Variants in SPRR2B observed in about 807,000 individuals in gnomAD.
SPRR2B encodes the protein small proline-rich protein 2B.
SPRR2B carries 1 observed loss-of-function variant against 1.0 expected under a neutral mutation model. The observed-to-expected ratio is 1.01, with a 90% CI of 0.36 to 4.77. The LOEUF (loss-of-function observed/expected upper bound fraction) is 4.77, where lower values mean the gene tolerates loss of function less well. Among genes scored for constraint, SPRR2B ranks in the 30% most tolerant of loss-of-function variants. The pLI, the probability that SPRR2B is intolerant of heterozygous loss-of-function variation, is 0.16. For synonymous variants in SPRR2B, 27 were observed against 33.4 expected, an observed-to-expected ratio of 0.81 and a Z score of 0.66; for missense variants, 53 against 88.7, an observed-to-expected ratio of 0.60 and a Z score of 1.62.
the SPRR2B span, among the ~76,000 whole-genome samples, chr1:153,083,399 C>T: frequency 6.6e-6 from 1 of 152,098 alleles, no homozygotes; most frequent in Non-Finnish European, 1.5e-5. Flanking sequence ...GAACAATATT[C>T]CTCATGAATA....
the SPRR2B span, among the ~76,000 whole-genome samples, chr1:153,080,467 G>A: frequency 6.6e-6 from 1 of 152,074 alleles, no homozygotes; most frequent in Non-Finnish European, 1.5e-5. Flanking sequence ...CTAAAATCAT[G>A]CAATGAACTT....
At chr1:153,087,075 G>GA in the SPRR2B span, among the ~76,000 whole-genome samples, 1 of 151,942 alleles carries the variant, frequency 6.6e-6, no homozygotes, top group Non-Finnish European at 1.5e-5. Flanking sequence ...TGTTAAGAGG[G>GA]AAATTTATAG....
chr1:153,075,468 T>C (rs76016275), upstream of SPRR2B, among the ~76,000 whole-genome samples: 4,862 of 152,038 alleles, frequency 0.032, 242 homozygotes, highest in African/African-American at 0.11. Flanking sequence ...GCCAGACAGA[T>C]AGAAATCATA....
chr1:153,080,868 C>G, the SPRR2B span, among the ~76,000 whole-genome samples: 431 of 152,250 alleles, frequency 2.8e-3, 5 homozygotes, highest in African/African-American at 9.6e-3. Context: ...GTCATAACAT[C>G]CACTATCTGT....
At chr1:153,081,826 T>TTTTC in the SPRR2B span, among the ~76,000 whole-genome samples, 1,551 of 50,250 alleles carry the variant, frequency 0.031, 19 homozygotes, top group African/African-American at 0.1. Context: ...TTTTCTTTTC[T>TTTTC]TTTTTTTTTT....
the SPRR2B span, among the ~76,000 whole-genome samples, chr1:153,085,668 A>G: frequency 6.6e-6 from 1 of 152,228 alleles, no homozygotes; most frequent in Non-Finnish European, 1.5e-5. Context: ...ATTCAAATTC[A>G]GAAAATGCAG....
upstream of SPRR2B, among the ~76,000 whole-genome samples, chr1:153,076,594 A>G (rs572686310): frequency 6.6e-6 from 1 of 152,350 alleles, no homozygotes; most frequent in African/African-American, 2.4e-5. Flanking sequence ...TAAGTTTGAG[A>G]AAGGTTAAAT....
At chr1:153,078,365 T>C in the SPRR2B span, among the ~76,000 whole-genome samples, 4 of 128,726 alleles carry the variant, frequency 3.1e-5, no homozygotes, top group Non-Finnish European at 5.6e-5. Flanking sequence ...GAGCTTACTT[T>C]CTGTTTTTTT....
chr1:153,075,683 A>G (rs552319825), upstream of SPRR2B, among the ~76,000 whole-genome samples: 1 of 142,892 alleles, frequency 7.0e-6, no homozygotes, highest in African/African-American at 3.1e-5. Context: ...TCAAAGAGAT[A>G]GGGGCAAAAT....
At chr1:153,075,986 AATAAAT>A (rs1463545904), upstream of SPRR2B, among the ~76,000 whole-genome samples, 2 of 152,240 alleles carry the variant, frequency 1.3e-5, no homozygotes, top group Non-Finnish European at 2.9e-5. Flanking sequence ...GTCTGAAAAC[AATAAAT>A]AGCAATATGT....
chr1:153,070,527 T>C lies in SPRR2B; in HGVS notation c.*94A>G, dbSNP rs1225898580. 1.3e-6 allele frequency: 2 copies of C among 1,545,614 alleles called. No individual in the cohort carries two copies. Among genetic ancestry groups the C allele is most frequent in the Admixed American group, 1.9e-5 (1 of 52,764 alleles). ...GGGAAAGAAGCTCCCTATGAATCCA[T>C]GATAAGCTTTGATGAGAAGATGAAG... On this transcript the variant is annotated 3_prime_UTR_variant, in exon 2 of 2. Coordinates refer to ENST00000368755, the MANE Select transcript of SPRR2B (RefSeq NM_001388198.1).
upstream of SPRR2B, among the ~76,000 whole-genome samples, chr1:153,072,127 G>A (rs1428150299): frequency 6.6e-6 from 1 of 152,192 alleles, no homozygotes; most frequent in East Asian, 1.9e-4. Flanking sequence ...TTTGAAGGCA[G>A]TGACCACATT....
intron 1 of SPRR2B, 90 bp from the exon 2 acceptor site, chr1:153,070,948 T>G (rs1269505070): frequency 9.1e-7 from 1 of 1,102,214 alleles, no homozygotes; most frequent in Non-Finnish European, 1.3e-6. Flanking sequence ...ATATTATTTC[T>G]CCAATCTCCA....
At chr1:153,084,372 G>C in the SPRR2B span, among the ~76,000 whole-genome samples, 1 of 152,086 alleles carries the variant, frequency 6.6e-6, no homozygotes, top group African/African-American at 2.4e-5. Flanking sequence ...TAGCCAGCCA[G>C]CCCCAACTTT....
chr1:153,079,071 G>A, the SPRR2B span, among the ~76,000 whole-genome samples: 1 of 152,122 alleles, frequency 6.6e-6, no homozygotes, highest in African/African-American at 2.4e-5. Context: ...GGTGTGAGAT[G>A]GTATCTCATT....
upstream of SPRR2B, among the ~76,000 whole-genome samples, chr1:153,075,119 G>T (rs567515391): frequency 6.6e-6 from 1 of 152,260 alleles, no homozygotes; most frequent in South Asian, 2.1e-4. Context: ...ACCAACGTGG[G>T]TTGATCACGA....
the SPRR2B span, among the ~76,000 whole-genome samples, chr1:153,080,505 A>C: frequency 6.6e-6 from 1 of 152,144 alleles, no homozygotes; most frequent in Non-Finnish European, 1.5e-5. Context: ...TAAAACTAAA[A>C]ACTTATAATC....
At chr1:153,083,961 A>T in the SPRR2B span, among the ~76,000 whole-genome samples, 1 of 152,182 alleles carries the variant, frequency 6.6e-6, no homozygotes. Flanking sequence ...CTGCAGGGCA[A>T]TCTTGCCTTT....
At chr1:153,075,388 C>A (rs1157228838), upstream of SPRR2B, among the ~76,000 whole-genome samples, 1 of 151,084 alleles carries the variant, frequency 6.6e-6, no homozygotes, top group East Asian at 1.9e-4. Flanking sequence ...TAAAAAAAAA[C>A]AGTTCACCAA....
Sources: gnomAD v4.1 joint callset for allele counts (sites outside exome capture counted in the v4.1 genomes callset) on GRCh38, gnomAD v4.1.1 for gene constraint, MANE v1.5 for transcripts, NCBI Gene and HGNC (gene_info 2026-07-23, HGNC 2026-07-21) for gene names.